Variants in NLGN4X observed in about 807,000 individuals in gnomAD.
NLGN4X encodes neuroligin-4, X-linked.
NLGN4X carries 3 observed loss-of-function variants against 40.3 expected under a neutral mutation model. The ratio of observed to expected loss-of-function variants is 0.07; its 90% CI spans 0.03 to 0.19. The LOEUF (loss-of-function observed/expected upper bound fraction) is 0.19. NLGN4X is among the 10% of genes least tolerant of loss of function. NLGN4X has a pLI of 1.00. For synonymous variants in NLGN4X, 270 were observed against 306.8 expected (o/e 0.88, Z 1.25); for missense variants, 382 against 708.3 (o/e 0.54, Z 5.23).
intron 3 of NLGN4X, among the ~76,000 whole-genome samples, chrX:5,978,274 TTCTTTC>T (rs2035246407): frequency 8.5e-4 from 1 of 1,171 alleles, no homozygotes. Context: ...GTCTCTTTTT[TTCTTTC>T]TTTCTTTCTT....
chrX:6,184,733 A>G (rs898472641), intron 1 of NLGN4X, among the ~76,000 whole-genome samples: 4 of 112,457 alleles, frequency 3.6e-5, no homozygotes, highest in African/African-American at 1.3e-4. Flanking sequence ...CATGACTAAC[A>G]TAGCCCAGAG....
intron 3 of NLGN4X, among the ~76,000 whole-genome samples, chrX:5,961,319 A>T (rs1299349810): frequency 1.8e-5 from 2 of 112,549 alleles, no homozygotes; most frequent in Non-Finnish European, 3.7e-5. Flanking sequence ...AAAGATTTTG[A>T]AGCTCTCAGA....
At chrX:6,123,078 G>A (rs1219175471) in intron 2 of NLGN4X, among the ~76,000 whole-genome samples, 1 of 110,117 alleles carries the variant, frequency 9.1e-6, no homozygotes, top group Non-Finnish European at 1.9e-5. Flanking sequence ...AGACAGAAAG[G>A]CTGAGAATTT....
At chrX:6,014,967 C>T (rs909863740) in intron 3 of NLGN4X, among the ~76,000 whole-genome samples, 1 of 111,945 alleles carries the variant, frequency 8.9e-6, no homozygotes, top group Admixed American at 9.5e-5. Context: ...GCTGTTCCTC[C>T]AGGTAACTGT....
intron 3 of NLGN4X, among the ~76,000 whole-genome samples, chrX:5,924,841 T>A (rs763535915): frequency 1.1e-4 from 11 of 103,269 alleles, no homozygotes; most frequent in Non-Finnish European, 2.2e-4. Context: ...CAATGGACTC[T>A]GGGGACTCAG....
chrX:6,213,955 A>T (rs989303046), intron 1 of NLGN4X, among the ~76,000 whole-genome samples: 1 of 112,317 alleles, frequency 8.9e-6, no homozygotes, highest in African/African-American at 3.2e-5. Context: ...AACGTCAGTC[A>T]CACAGTTTTA....
chrX:6,075,288 G>T (rs771547751), intron 2 of NLGN4X, among the ~76,000 whole-genome samples: 10 of 111,961 alleles, frequency 8.9e-5, no homozygotes, highest in African/African-American at 3.2e-4. Flanking sequence ...GATACTTCAA[G>T]ATACTTCAAG....
In NLGN4X at chrX:6,033,039, C is replaced by CA. The variant is rs58234880; in HGVS notation, c.473-3608dup. Among the ~76,000 whole-genome samples, 546 of 105,153 alleles carry CA rather than the reference C, an allele frequency of 5.2e-3. 5 individuals are homozygous for CA. Among genetic ancestry groups the CA allele is most frequent in the African/African-American group, 0.018 (519 of 29,015 alleles). 91.3% of individuals were successfully genotyped at this position (105,153 alleles called of 115,157 possible). On this transcript the variant is annotated intron_variant, in intron 2 of 5. Coordinates refer to ENST00000381095, the MANE Select transcript of NLGN4X (RefSeq NM_181332.3). ...GTTGGGGGTTAAAATGATGCTACTG[C>CA]AAAAAAAAAAATGCTAACGTGAGTT...
At chrX:5,975,602 G>T (rs1353002815) in intron 3 of NLGN4X, among the ~76,000 whole-genome samples, 1 of 83,898 alleles carries the variant, frequency 1.2e-5, no homozygotes, top group Non-Finnish European at 2.2e-5. Context: ...GACAAAGCAA[G>T]ACTCCGTTTC....
At chrX:5,938,955 TTGTGTGTGTGCGTGTGTGTG>T (rs1171525813) in intron 3 of NLGN4X, among the ~76,000 whole-genome samples, 1 of 102,692 alleles carries the variant, frequency 9.7e-6, no homozygotes, top group African/African-American at 3.7e-5. Context: ...GTGTTTGTAT[TTGTGTGTGTGCGTGTGTGTG>T]TGTGTGTGTG....
intron 3 of NLGN4X, among the ~76,000 whole-genome samples, chrX:5,939,323 TAGAG>T (rs1393653599): frequency 5.4e-5 from 6 of 110,170 alleles, no homozygotes; most frequent in Non-Finnish European, 7.6e-5. Flanking sequence ...AGTGGAAAAA[TAGAG>T]AGATGGTGAA....
chrX:6,225,015 C>T (rs557279101), intron 1 of NLGN4X, among the ~76,000 whole-genome samples: 5,794 of 52,191 alleles, frequency 0.11, 269 homozygotes, highest in African/African-American at 0.17. Flanking sequence ...TATATATACA[C>T]ACACACACAC....
chrX:6,023,730 G>A (rs1329375358), intron 3 of NLGN4X, among the ~76,000 whole-genome samples: 2 of 112,181 alleles, frequency 1.8e-5, no homozygotes, highest in Admixed American at 9.4e-5. Context: ...ACATAGTTGG[G>A]ACTCTTTTGA....
chrX:6,026,555 G>C (rs2036699097), intron 3 of NLGN4X, among the ~76,000 whole-genome samples: 1 of 111,782 alleles, frequency 8.9e-6, no homozygotes, highest in Non-Finnish European at 1.9e-5. Flanking sequence ...AATAGTAAAT[G>C]CAAGATCCAT....
rs190895024 is a variant in NLGN4X at position 5,896,302 on chromosome X, A to T, written c.1602-2636T>A. On this transcript the variant is annotated intron_variant, in intron 5 of 5. Transcript: ENST00000381095. ...AGCTGCCACCTGATACCGTCTGTCT[A>T]TTAAAGATCTCGGAGATGCACAGCC... Among the ~76,000 whole-genome samples the T allele has an allele frequency of 3.6e-5, 4 of 112,395 alleles. No homozygotes were observed. The East Asian group carries it at 1.1e-3, about 31-fold the overall frequency.
chrX:6,180,678 G>C (rs1921341172), intron 1 of NLGN4X, among the ~76,000 whole-genome samples: 1 of 111,229 alleles, frequency 9.0e-6, no homozygotes, highest in Admixed American at 9.6e-5. Flanking sequence ...AGCACTGAAT[G>C]CATCTGTTCA....
At chrX:6,226,951 G>A (rs935940348) in intron 1 of NLGN4X, 1 of 119,774 alleles carries the variant, frequency 8.3e-6, no homozygotes, top group African/African-American at 3.2e-5. Flanking sequence ...CCCCAGCCGC[G>A]GCCTTGGGGA....
At chrX:6,105,066 C>T (rs2039004188) in intron 2 of NLGN4X, among the ~76,000 whole-genome samples, 1 of 103,920 alleles carries the variant, frequency 9.6e-6, no homozygotes, top group East Asian at 3.0e-4. Context: ...GTATTATCTC[C>T]TTTTTTTTTT....
At chrX:6,211,526 T>G (rs946976553) in intron 1 of NLGN4X, among the ~76,000 whole-genome samples, 1 of 111,835 alleles carries the variant, frequency 8.9e-6, no homozygotes, top group Non-Finnish European at 1.9e-5. Context: ...ATGGTATAGA[T>G]AGAGATATAT....
Sources: gnomAD v4.1 joint callset for allele counts (sites outside exome capture counted in the v4.1 genomes callset) on GRCh38, gnomAD v4.1.1 for gene constraint, MANE v1.5 for transcripts, NCBI Gene and HGNC (gene_info 2026-07-23, HGNC 2026-07-21) for gene names.